Variants in APP observed in about 807,000 individuals in gnomAD.
The protein encoded by APP is amyloid beta precursor protein.
In APP, 31 loss-of-function variants were observed where a neutral mutation model predicts 101.4. The observed-to-expected ratio is 0.31, with a 90% CI of 0.23 to 0.41. The LOEUF (loss-of-function observed/expected upper bound fraction) is 0.41. Among genes scored for constraint, APP ranks in the 10% least tolerant of loss-of-function variants. The pLI, the probability that APP is intolerant of heterozygous loss-of-function variation, is 1.00. For missense variants in APP, 839 were observed against 1,003.7 expected (o/e 0.84, Z 2.22); for synonymous variants, 366 against 364.4 (o/e 1.00, Z -0.05).
intron 6 of APP, among the ~76,000 whole-genome samples, chr21:26,016,024 G>A (rs368578712): frequency 1.9e-4 from 29 of 151,976 alleles, no homozygotes; most frequent in African/African-American, 6.0e-4. Context: ...GTGGACCCCC[G>A]ATCATTTTTC....
intron 11 of APP, among the ~76,000 whole-genome samples, chr21:25,971,750 C>T (rs1302706503): frequency 6.6e-6 from 1 of 152,176 alleles, no homozygotes; most frequent in African/African-American, 2.4e-5. Context: ...CCTCTTCCCA[C>T]GAGTCAGGTG....
In APP at chr21:26,125,016, C is replaced by T. The variant is rs572867882; in HGVS notation, c.58-12870G>A. 8.3e-4 allele frequency among the ~76,000 whole-genome samples: 126 copies of T among 152,222 alleles called. 1 individual carries two copies. The highest frequency in any genetic ancestry group is 9.6e-4 in the East Asian group (5 of 5,186). On this transcript the variant is annotated intron_variant, in intron 1 of 17. Transcript: ENST00000346798. ...ATGCAGAGGTCTGGCAAGGGTACAC[C>T]GAAGAGCTCTCAGGAAAGAGTGACT...
At chr21:26,157,910 C>A (rs537753475) in intron 1 of APP, among the ~76,000 whole-genome samples, 11 of 152,334 alleles carry the variant, frequency 7.2e-5, no homozygotes, top group Middle Eastern at 3.4e-3. Flanking sequence ...CAGTGTCAAG[C>A]TCTTTTCTAA....
At chr21:26,137,444 G>T (rs1383245269) in intron 1 of APP, among the ~76,000 whole-genome samples, 1 of 152,030 alleles carries the variant, frequency 6.6e-6, no homozygotes, top group African/African-American at 2.4e-5. Flanking sequence ...TTTGTTACAG[G>T]TGTGTTATAA....
chr21:26,118,154 C>T (rs1490741168), intron 1 of APP, among the ~76,000 whole-genome samples: 1 of 152,196 alleles, frequency 6.6e-6, no homozygotes, highest in Non-Finnish European at 1.5e-5. Flanking sequence ...ATGCTTGCTG[C>T]TGGTGCCCAG....
At chr21:25,958,556 C>T (rs889688850) in intron 11 of APP, among the ~76,000 whole-genome samples, 3 of 374 alleles carry the variant, frequency 8.0e-3, no homozygotes, top group African/African-American at 0.012. Flanking sequence ...GGATTACAGG[C>T]GTGCGACCAG....
At chr21:26,005,773 A>C (rs1050269041) in intron 6 of APP, among the ~76,000 whole-genome samples, 1 of 152,214 alleles carries the variant, frequency 6.6e-6, no homozygotes, top group Non-Finnish European at 1.5e-5. Context: ...ACTTCTAAAA[A>C]CATCAGCAAA....
At chr21:26,093,104 T>C (rs779975225) in intron 2 of APP, among the ~76,000 whole-genome samples, 13 of 152,220 alleles carry the variant, frequency 8.5e-5, no homozygotes, top group Non-Finnish European at 1.8e-4. Flanking sequence ...GCAGGCACTT[T>C]AGATCACAGA....
intron 7 of APP, among the ~76,000 whole-genome samples, chr21:25,998,396 A>G (rs2043139801): frequency 6.6e-6 from 1 of 151,916 alleles, no homozygotes; most frequent in Admixed American, 6.6e-5. Context: ...GCCAGAAAAA[A>G]AAAAAAAAAA....
chr21:26,146,650 T>C (rs561172757), intron 1 of APP, among the ~76,000 whole-genome samples: 1 of 152,300 alleles, frequency 6.6e-6, no homozygotes, highest in Non-Finnish European at 1.5e-5. Context: ...GGAATACAGA[T>C]AAAACAAGAC....
chr21:25,973,943 T>TCAAAA (rs1555833315), intron 11 of APP, among the ~76,000 whole-genome samples: 1 of 111,140 alleles, frequency 9.0e-6, no homozygotes. Context: ...CCATCTCATT[T>TCAAAA]AAAAAAAAAA....
chr21:25,900,987 C>CAAAAAA (rs71183520), intron 15 of APP, among the ~76,000 whole-genome samples: 1,566 of 118,316 alleles, frequency 0.013, 91 homozygotes, highest in African/African-American at 0.062. Context: ...GACTCCATCT[C>CAAAAAA]AAAAAAAAAA....
chr21:25,881,859 A>G (rs1419085513), intron 17 of APP, 88 bp from the exon 18 acceptor site: 2 of 1,317,800 alleles, frequency 1.5e-6, no homozygotes. Context: ...TAAGGAGTAC[A>G]GTACTCTTCT....
In APP at chr21:25,900,610, A is replaced by G. The variant is rs147177014; in HGVS notation, c.1964-2937T>C. On this transcript the variant is annotated intron_variant, in intron 15 of 17. Transcript: ENST00000346798. ...TCTAGCAACACAATAGGTTAGAACT[A>G]TATTTCTGAGATTTTTAAGAAAACT... is the stretch of plus-strand genomic sequence containing the variant. Among the ~76,000 whole-genome samples the G allele has an allele frequency of 5.9e-5, 9 of 152,180 alleles. No individual in the cohort carries two copies. In the East Asian group the frequency reaches 7.8e-4, roughly 13 times the overall value.
chr21:26,166,230 A>G (rs2063604629), intron 1 of APP, among the ~76,000 whole-genome samples: 1 of 152,226 alleles, frequency 6.6e-6, no homozygotes, highest in Admixed American at 6.5e-5. Flanking sequence ...AACAATAAAA[A>G]AAGAAATACA....
chr21:26,117,120 G>C (rs1435041071), intron 1 of APP, among the ~76,000 whole-genome samples: 1 of 152,210 alleles, frequency 6.6e-6, no homozygotes, highest in East Asian at 1.9e-4. Flanking sequence ...CTGGCCTCAA[G>C]TGATCCTCCT....
chr21:25,958,001 A>G (rs1460941902), intron 11 of APP, among the ~76,000 whole-genome samples: 1 of 151,892 alleles, frequency 6.6e-6, no homozygotes, highest in Non-Finnish European at 1.5e-5. Context: ...AAAAAAACAA[A>G]AAACAAAAAA....
At chr21:25,948,728 C>T (rs1306452778) in intron 13 of APP, among the ~76,000 whole-genome samples, 1 of 152,134 alleles carries the variant, frequency 6.6e-6, no homozygotes, top group Non-Finnish European at 1.5e-5. Flanking sequence ...AAGAGAAGCA[C>T]ACTTTGATAA....
intron 17 of APP, among the ~76,000 whole-genome samples, chr21:25,882,001 G>A (rs373573307): frequency 8.6e-5 from 13 of 152,006 alleles, no homozygotes; most frequent in East Asian, 3.9e-4. Context: ...ACCTTGACGC[G>A]CTTGCAACGT....
Sources: allele counts gnomAD v4.1 joint callset (sites outside exome capture counted in the v4.1 genomes callset), GRCh38; gene constraint gnomAD v4.1.1; transcripts MANE v1.5; gene names NCBI Gene and HGNC (gene_info 2026-07-23, HGNC 2026-07-21).